The following ADAMTSL1 variants were observed in gnomAD, a reference collection of about 807,000 sequenced individuals.
The protein encoded by ADAMTSL1 is ADAMTS like 1, also known as ADAMTS-like protein 1.
A neutral mutation model predicts 201.8 loss-of-function variants in ADAMTSL1; 126 were observed. The ratio of observed to expected loss-of-function variants is 0.62; its 90% CI spans 0.54 to 0.72. The LOEUF (loss-of-function observed/expected upper bound fraction) is 0.72. ADAMTSL1 is among the 30% of genes least tolerant of loss of function. The probability of loss-of-function intolerance (pLI) is 0.00; values close to 1 mark genes in which losing one functional copy is unlikely to be tolerated. For missense variants in ADAMTSL1, 2,679 were observed against 2,277.8 expected (o/e 1.18, Z -3.59); for synonymous variants, 1,121 against 903.4 (o/e 1.24, Z -4.32).
At chr9:18,164,213 G>C (rs770621518) in intron 2 of ADAMTSL1, among the ~76,000 whole-genome samples, 2 of 151,960 alleles carry the variant, frequency 1.3e-5, no homozygotes, top group Non-Finnish European at 2.9e-5. Flanking sequence ...GTTAAAGTTT[G>C]TTTGGGGCAG....
At chr9:18,099,633 TC>T (rs201068470) in intron 1 of ADAMTSL1, among the ~76,000 whole-genome samples, 4 of 145,520 alleles carry the variant, frequency 2.7e-5, no homozygotes, top group South Asian at 2.1e-4. Context: ...TTTCTCTCTC[TC>T]CCTTTTTTTT....
chr9:18,469,088 G>C (rs942904081), intron 2 of ADAMTSL1, among the ~76,000 whole-genome samples: 29 of 152,196 alleles, frequency 1.9e-4, no homozygotes, highest in African/African-American at 7.0e-4. Context: ...GTTCTCCACA[G>C]CTGTAAAGCC....
chr9:18,546,160 AG>A (rs1446485989), intron 3 of ADAMTSL1, among the ~76,000 whole-genome samples: 1 of 152,062 alleles, frequency 6.6e-6, no homozygotes, highest in African/African-American at 2.4e-5. Flanking sequence ...GTTATCTTTG[AG>A]GTTTGGCTAT....
intron 2 of ADAMTSL1, among the ~76,000 whole-genome samples, chr9:18,184,705 ATTTT>A (rs1828655065): frequency 6.6e-6 from 1 of 152,210 alleles, no homozygotes; most frequent in South Asian, 2.1e-4. Context: ...GTTGATCAGT[ATTTT>A]CACAACGCAT....
In ADAMTSL1 at chr9:18,574,595, T is replaced by TG. The variant is rs1822584932; in HGVS notation, c.474+329_474+330insG. 9 of 339,830 alleles carry TG rather than the reference T, an allele frequency of 2.6e-5. No individual in the cohort carries two copies. The East Asian group carries it at 3.1e-4, about 12-fold the overall frequency. The allele number at this position is 339,830 out of a possible 1,614,324, so 21.1% of individuals were successfully genotyped here. ...CTATTCCTGAAGTGTGTGTTTGTGT[T>TG]TGTGTGTGTGTGTGTGTGTGTGTAT... On this transcript the variant is annotated intron_variant, in intron 4 of 28. Coordinates refer to ENST00000380548, the MANE Select transcript of ADAMTSL1 (RefSeq NM_001040272.6).
At chr9:18,260,271 G>T (rs1831864633) in intron 2 of ADAMTSL1, among the ~76,000 whole-genome samples, 1 of 152,224 alleles carries the variant, frequency 6.6e-6, no homozygotes, top group African/African-American at 2.4e-5. Flanking sequence ...ACAGCTCAGA[G>T]CAAGCATGCT....
intron 23 of ADAMTSL1, among the ~76,000 whole-genome samples, chr9:18,869,672 A>G (rs1247037943): frequency 6.6e-6 from 1 of 152,134 alleles, no homozygotes; most frequent in Non-Finnish European, 1.5e-5. Context: ...GTTTCCTATA[A>G]GAGGTCAACC....
At chr9:18,816,596 T>G (rs201325898) in intron 20 of ADAMTSL1, among the ~76,000 whole-genome samples, 3 of 152,106 alleles carry the variant, frequency 2.0e-5, no homozygotes, top group East Asian at 3.8e-4. Context: ...TGAAAAAATT[T>G]AATTTTAAAA....
chr9:18,025,275 A>T (rs1820644828), intron 1 of ADAMTSL1, among the ~76,000 whole-genome samples: 1 of 151,872 alleles, frequency 6.6e-6, no homozygotes, highest in South Asian at 2.1e-4. Context: ...GCCACTTGTC[A>T]ATTTTTATTT....
chr9:18,813,270 T>C (rs1823628014), intron 20 of ADAMTSL1, among the ~76,000 whole-genome samples: 1 of 152,196 alleles, frequency 6.6e-6, no homozygotes, highest in Non-Finnish European at 1.5e-5. Flanking sequence ...GGCCCCCAAC[T>C]TTGTACTTTT....
chr9:18,013,287 TGA>T (rs1426330942), intron 1 of ADAMTSL1, among the ~76,000 whole-genome samples: 1 of 152,054 alleles, frequency 6.6e-6, no homozygotes, highest in Non-Finnish European at 1.5e-5. Flanking sequence ...AACAGAAATT[TGA>T]CTTCTGCCCA....
At chr9:18,532,163 G>T (rs1587479391) in intron 2 of ADAMTSL1, among the ~76,000 whole-genome samples, 1 of 152,046 alleles carries the variant, frequency 6.6e-6, no homozygotes, top group South Asian at 2.1e-4. Flanking sequence ...TGTTTTTCAT[G>T]ATTTAAGTGT....
chr9:17,986,872 G>A (rs1339130558), intron 1 of ADAMTSL1, among the ~76,000 whole-genome samples: 2 of 152,064 alleles, frequency 1.3e-5, no homozygotes, highest in African/African-American at 4.8e-5. Flanking sequence ...CAGTTGGGGG[G>A]AGATTATAAA....
intron 2 of ADAMTSL1, among the ~76,000 whole-genome samples, chr9:18,295,358 T>C (rs2132702355): frequency 6.6e-6 from 1 of 151,842 alleles, no homozygotes; most frequent in South Asian, 2.1e-4. Context: ...TTTTTTTTTT[T>C]AGACAGAGTA....
chr9:18,187,868 A>G (rs1159123438), intron 2 of ADAMTSL1, among the ~76,000 whole-genome samples: 1 of 152,172 alleles, frequency 6.6e-6, no homozygotes. Flanking sequence ...AAAATATGTC[A>G]TGTATAATTA....
chr9:18,193,230 A>G (rs1037029507), intron 2 of ADAMTSL1, among the ~76,000 whole-genome samples: 8 of 152,210 alleles, frequency 5.3e-5, no homozygotes, highest in African/African-American at 7.2e-5. Context: ...TCAAGTCACT[A>G]TAAGATTCAA....
At chr9:18,546,385 C>T (rs1820468325) in intron 3 of ADAMTSL1, among the ~76,000 whole-genome samples, 1 of 152,014 alleles carries the variant, frequency 6.6e-6, no homozygotes, top group African/African-American at 2.4e-5. Flanking sequence ...AATCACAGCT[C>T]ACTATAACCT....
chr9:18,743,588 T>C (rs747489880), intron 15 of ADAMTSL1, among the ~76,000 whole-genome samples: 3 of 152,184 alleles, frequency 2.0e-5, no homozygotes, highest in Non-Finnish European at 2.9e-5. Flanking sequence ...TTGATAATCT[T>C]GGCTCTCACT....
At position 18,666,377 on chromosome 9, in the gene ADAMTSL1, C is replaced by G. The variant is rs140693676; in HGVS notation, c.1085+4304C>G. On this transcript the variant is annotated intron_variant, in intron 9 of 28. Coordinates refer to ENST00000380548, the MANE Select transcript of ADAMTSL1 (RefSeq NM_001040272.6). The stretch of plus-strand genomic sequence containing the variant: ...AATTAATAAGGCTTTTCATTAGAGA[C>G]TCAGAGCTATGACATCACTAAGCCC... Among the ~76,000 whole-genome samples, 280 of 152,278 alleles carry G rather than the reference C, an allele frequency of 1.8e-3. 2 individuals carry two copies. In the South Asian group the frequency reaches 0.02, roughly 11 times the overall value.
Sources: gnomAD v4.1 joint callset for allele counts (sites outside exome capture counted in the v4.1 genomes callset) on GRCh38, gnomAD v4.1.1 for gene constraint, MANE v1.5 for transcripts, NCBI Gene and HGNC (gene_info 2026-07-23, HGNC 2026-07-21) for gene names.